Variants in DERA observed in about 807,000 individuals in gnomAD.
DERA encodes deoxyribose-phosphate aldolase, also known as 2-deoxy-D-ribose 5-phosphate aldolase.
In DERA, 15 loss-of-function variants were observed where a neutral mutation model predicts 41.1. The ratio of observed to expected loss-of-function variants is 0.37; its 90% CI spans 0.24 to 0.56. The LOEUF is 0.56. Ranked by LOEUF, DERA falls within the 20% of genes least tolerant of loss-of-function variation. The pLI, the probability that DERA is intolerant of heterozygous loss-of-function variation, is 0.81. For missense variants in DERA, 396 were observed against 403.4 expected, an observed-to-expected ratio of 0.98 and a Z score of 0.16; for synonymous variants, 139 against 137.4, an observed-to-expected ratio of 1.01 and a Z score of -0.08.
intron 6 of DERA, among the ~76,000 whole-genome samples, chr12:16,005,383 C>T (rs777271785): frequency 2.6e-5 from 4 of 152,052 alleles, no homozygotes; most frequent in Non-Finnish European, 5.9e-5. Flanking sequence ...GACAGGAGTT[C>T]GAGGCTGCAG....
rs1351330974 is a variant in DERA at position 15,938,303 on chromosome 12, A to G, written c.32-18633A>G. On this transcript the variant is annotated intron_variant, in intron 1 of 8. Coordinates refer to ENST00000428559, the MANE Select transcript of DERA (RefSeq NM_015954.4). This position sits in a 1 kb window ranked among gnomAD's most constrained non-coding sequence, Gnocchi z 4.1. ...TACTTAAAATTATATAATTAAAAAT[A>G]TTGAATGATACATTGCCTTTATTTT... 1.3e-5 allele frequency among the ~76,000 whole-genome samples: 2 copies of G among 152,234 alleles called. No individual in the cohort carries two copies. Among genetic ancestry groups the G allele is most frequent in the Non-Finnish European group, 2.9e-5 (2 of 68,040 alleles).
intron 6 of DERA, among the ~76,000 whole-genome samples, chr12:15,987,518 T>C (rs1003938058): frequency 1.3e-5 from 2 of 152,160 alleles, no homozygotes; most frequent in African/African-American, 4.8e-5. Context: ...ATTACAGATG[T>C]AACCCACTGT....
rs559523581 is a variant in DERA, at chr12:16,032,320, G to T, written c.638-222G>T. ...ATGGAGGCAAGAGTATCAGAGGTCA[G>T]TGAGAATATATTTGGTGCCTAATAC... On this transcript the variant is annotated intron_variant, in intron 6 of 8. Coordinates refer to ENST00000428559, the MANE Select transcript of DERA (RefSeq NM_015954.4). Among the ~76,000 whole-genome samples the T allele has an allele frequency of 2.0e-5, 3 of 152,304 alleles. No individual in the cohort carries two copies. The South Asian group carries it at 6.2e-4, about 32-fold the overall frequency.
intron 6 of DERA, among the ~76,000 whole-genome samples, chr12:16,015,659 A>G (rs1948976485): frequency 6.6e-6 from 1 of 152,240 alleles, no homozygotes; most frequent in African/African-American, 2.4e-5. Flanking sequence ...TCATCAATAG[A>G]TAACTATCTA....
Position 15,971,049 on chromosome 12 carries a change from A to G in DERA, c.508+8102A>G, listed in dbSNP as rs565171173. On this transcript the variant is annotated intron_variant, in intron 5 of 8. Coordinates refer to ENST00000428559, the MANE Select transcript of DERA (RefSeq NM_015954.4). The stretch of plus-strand genomic sequence containing the variant: ...ACATGTACAGATTGATCACTATGAC[A>G]GCAGCCCTTTATAGAGGTAATAATG... Among the ~76,000 whole-genome samples the G allele has an allele frequency of 2.6e-5, 4 of 152,346 alleles. No homozygotes were observed. The East Asian group carries it at 7.7e-4, about 29-fold the overall frequency.
intron 1 of DERA, among the ~76,000 whole-genome samples, chr12:15,919,517 A>C (rs1027266451): frequency 6.6e-6 from 1 of 152,214 alleles, no homozygotes; most frequent in African/African-American, 2.4e-5. Context: ...CTTTTGAGTT[A>C]AAGGCATAAA....
At chr12:15,997,118 T>C (rs1424458909) in intron 6 of DERA, among the ~76,000 whole-genome samples, 3 of 152,310 alleles carry the variant, frequency 2.0e-5, no homozygotes, top group African/African-American at 7.2e-5. Context: ...AAAATACAGA[T>C]CTTCAAACAG....
intron 4 of DERA, among the ~76,000 whole-genome samples, chr12:15,961,095 G>A (rs961636489): frequency 1.3e-5 from 2 of 152,200 alleles, no homozygotes; most frequent in Non-Finnish European, 1.5e-5. Flanking sequence ...TAAGTTACCT[G>A]ATGGTACTGG....
chr12:16,015,865 T>C (rs1305615559), intron 6 of DERA, among the ~76,000 whole-genome samples: 5 of 152,364 alleles, frequency 3.3e-5, no homozygotes, highest in Admixed American at 3.3e-4. Flanking sequence ...CTTTTCCTTG[T>C]AGTTACTTTT....
chr12:15,925,227 G>A (rs745478770), intron 1 of DERA, among the ~76,000 whole-genome samples: 5 of 151,250 alleles, frequency 3.3e-5, no homozygotes, highest in Non-Finnish European at 2.9e-5. Context: ...GCCTCTTGAT[G>A]TTATCTGCTC....
chr12:15,951,857 A>G (rs1005247523), intron 1 of DERA, among the ~76,000 whole-genome samples: 4 of 152,078 alleles, frequency 2.6e-5, no homozygotes, highest in Non-Finnish European at 5.9e-5. Context: ...GTAATGTATC[A>G]TAATCAGTTT....
rs1352658981 is a variant in DERA at position 16,013,581 on chromosome 12, A to G, written c.638-18961A>G. On this transcript the variant is annotated intron_variant, in intron 6 of 8. Coordinates refer to ENST00000428559, the MANE Select transcript of DERA (RefSeq NM_015954.4). The surrounding 1 kb of genome is among the most constrained non-coding windows in gnomAD (Gnocchi z 5.8). Reference sequence around the variant, plus strand: ...TGAGTCAGTTAAACTTCTTTCCTTTATAAATTACCTAGTCTCAGGCAGTTC... The same window carrying G: ...TGAGTCAGTTAAACTTCTTTCCTTTGTAAATTACCTAGTCTCAGGCAGTTC... Among the ~76,000 whole-genome samples the G allele has an allele frequency of 6.6e-6, 1 of 152,196 alleles. No homozygotes were observed. The highest frequency in any genetic ancestry group is 2.4e-5 in the African/African-American group (1 of 41,432).
In DERA at chr12:15,996,805, T is replaced by G. The variant is rs74065545; in HGVS notation, c.637+14369T>G. On this transcript the variant is annotated intron_variant, in intron 6 of 8. Transcript: ENST00000428559. This position sits in a 1 kb window ranked among gnomAD's most constrained non-coding sequence, Gnocchi z 4.7. Reference sequence around the variant, plus strand: ...TGACTCAAACCCAGCAAACTTGAATTCAGGTACAAAAGATTGATTTTTCCC... The same window carrying G: ...TGACTCAAACCCAGCAAACTTGAATGCAGGTACAAAAGATTGATTTTTCCC... 0.065 allele frequency among the ~76,000 whole-genome samples: 9,953 copies of G among 152,272 alleles called. 1,048 individuals carry two copies. Among genetic ancestry groups the G allele is most frequent in the African/African-American group, 0.22 (9,163 of 41,500 alleles).
intron 1 of DERA, among the ~76,000 whole-genome samples, chr12:15,912,950 G>C (rs938792247): frequency 2.6e-5 from 4 of 152,138 alleles, no homozygotes; most frequent in African/African-American, 9.7e-5. Flanking sequence ...TCTGGAACGT[G>C]GTCTTTAGTA....
intron 1 of DERA, among the ~76,000 whole-genome samples, chr12:15,945,893 G>C (rs1425041100): frequency 1.3e-5 from 2 of 152,134 alleles, no homozygotes; most frequent in African/African-American, 4.8e-5. Context: ...TTATTATTTT[G>C]AGATATGTCC....
chr12:15,947,981 T>C (rs1948464843), intron 1 of DERA, among the ~76,000 whole-genome samples: 1 of 152,262 alleles, frequency 6.6e-6, no homozygotes, highest in Non-Finnish European at 1.5e-5. Context: ...TGGCTGGTTA[T>C]GAAATTCTGG....
At chr12:15,949,015 A>C (rs1948474258) in intron 1 of DERA, among the ~76,000 whole-genome samples, 1 of 152,194 alleles carries the variant, frequency 6.6e-6, no homozygotes, top group Admixed American at 6.5e-5. Context: ...AGAACGGCGA[A>C]TATTGCTGAA....
chr12:15,971,573 A>G (rs534047933), intron 5 of DERA, among the ~76,000 whole-genome samples: 1 of 139,392 alleles, frequency 7.2e-6, no homozygotes, highest in South Asian at 2.3e-4. Context: ...CTGGAGTGCA[A>G]TGGTGCGATC....
At chr12:15,961,776 C>G (rs2136149585) in intron 4 of DERA, among the ~76,000 whole-genome samples, 1 of 152,302 alleles carries the variant, frequency 6.6e-6, no homozygotes, top group South Asian at 2.1e-4. Flanking sequence ...CAGAGTCTCG[C>G]TCTATCACCC....
Sources: gnomAD v4.1 joint callset for allele counts (sites outside exome capture counted in the v4.1 genomes callset) on GRCh38, gnomAD v4.1.1 for gene constraint, Gnocchi (gnomAD v3.1) non-coding constraint, MANE v1.5 for transcripts, NCBI Gene and HGNC (gene_info 2026-07-23, HGNC 2026-07-21) for gene names.